The following PRR11 variants were observed in gnomAD, a reference collection of about 807,000 sequenced individuals.
PRR11 encodes proline rich 11.
PRR11 carries 30 observed loss-of-function variants against 45.6 expected under a neutral mutation model. That is an observed-to-expected ratio of 0.66 (90% confidence interval 0.49 to 0.89). PRR11 has a LOEUF of 0.89. PRR11 is among the 40% of genes least tolerant of loss of function. The probability of loss-of-function intolerance (pLI) is 0.00; values close to 1 mark genes in which losing one functional copy is unlikely to be tolerated. For synonymous variants in PRR11, 128 were observed against 153.5 expected, an observed-to-expected ratio of 0.83 and a Z score of 1.23; for missense variants, 373 against 424.8, an observed-to-expected ratio of 0.88 and a Z score of 1.07.
chr17:59,158,970 C>T (rs1415508576), intron 1 of PRR11, among the ~76,000 whole-genome samples: 1 of 152,178 alleles, frequency 6.6e-6, no homozygotes, highest in Non-Finnish European at 1.5e-5. Context: ...ACAGCACACT[C>T]CACCACACCT....
At chr17:59,184,150 A>G (rs1272653262) in intron 2 of PRR11, among the ~76,000 whole-genome samples, 3 of 152,108 alleles carry the variant, frequency 2.0e-5, no homozygotes, top group African/African-American at 2.4e-5. Flanking sequence ...GATGACATTC[A>G]GAGACCATCC....
intron 4 of PRR11, among the ~76,000 whole-genome samples, chr17:59,192,427 C>T (rs2046843890): frequency 6.6e-6 from 1 of 152,140 alleles, no homozygotes; most frequent in Admixed American, 6.6e-5. Flanking sequence ...ATTAATACAC[C>T]GTTTTACTTC....
chr17:59,160,089 A>G (rs989089332), intron 1 of PRR11, among the ~76,000 whole-genome samples: 1 of 152,178 alleles, frequency 6.6e-6, no homozygotes, highest in East Asian at 1.9e-4. Context: ...GCAGCAAAAA[A>G]AAAAGAATCA....
intron 2 of PRR11, among the ~76,000 whole-genome samples, chr17:59,180,394 G>A (rs1161961052): frequency 6.6e-6 from 1 of 150,988 alleles, no homozygotes; most frequent in African/African-American, 2.5e-5. Context: ...GCCTCCCGAA[G>A]TGCTGGGATT....
intron 2 of PRR11, among the ~76,000 whole-genome samples, chr17:59,172,918 G>C (rs1367034853): frequency 2.6e-5 from 4 of 152,274 alleles, no homozygotes; most frequent in African/African-American, 9.6e-5. Flanking sequence ...CATGGCGCAG[G>C]GCTGGCAGGC....
At chr17:59,183,451 A>G (rs1054755779) in intron 2 of PRR11, among the ~76,000 whole-genome samples, 1 of 152,238 alleles carries the variant, frequency 6.6e-6, no homozygotes, top group African/African-American at 2.4e-5. Context: ...TGAAAAAGTC[A>G]CATCAGAGCA....
intron 1 of PRR11, among the ~76,000 whole-genome samples, chr17:59,158,596 G>A (rs945298836): frequency 6.6e-6 from 1 of 151,720 alleles, no homozygotes; most frequent in Admixed American, 6.6e-5. Flanking sequence ...GTACAAAGAC[G>A]GCAATTGACA....
At chr17:59,176,148 C>T (rs1170341541) in intron 2 of PRR11, among the ~76,000 whole-genome samples, 3 of 152,070 alleles carry the variant, frequency 2.0e-5, no homozygotes, top group South Asian at 2.1e-4. Flanking sequence ...CACATGTGTG[C>T]GGGACACCCA....
chr17:59,165,059 C>T (rs1402629628), intron 1 of PRR11, among the ~76,000 whole-genome samples: 4 of 152,098 alleles, frequency 2.6e-5, no homozygotes, highest in East Asian at 1.9e-4. Flanking sequence ...CTCGCTCCGT[C>T]GCCCACGCTA....
At chr17:59,176,911 G>C (rs1263637746) in intron 2 of PRR11, among the ~76,000 whole-genome samples, 1 of 151,858 alleles carries the variant, frequency 6.6e-6, no homozygotes, top group Admixed American at 6.6e-5. Context: ...TAGTCAGGCT[G>C]GTCTCAAACT....
rs550176573 is a variant in PRR11, at chr17:59,201,662, C to G, written c.*31C>G. 3 of 1,604,610 alleles carry G rather than the reference C, an allele frequency of 1.9e-6. No homozygotes were observed. The East Asian group carries it at 6.7e-5, about 36-fold the overall frequency. On this transcript the variant is annotated 3_prime_UTR_variant, in exon 10 of 10. Coordinates refer to ENST00000262293, the MANE Select transcript of PRR11 (RefSeq NM_018304.4). ...ACTCTGCCTCACTCCATGAGATGAT[C>G]CATAACAAATACAGATAAAAACACC...
intron 9 of PRR11, among the ~76,000 whole-genome samples, chr17:59,199,988 C>G (rs1388833351): frequency 2.6e-5 from 4 of 152,158 alleles, no homozygotes; most frequent in African/African-American, 9.7e-5. Flanking sequence ...TTCTGTTTAG[C>G]TCTAAGATCT....
intron 1 of PRR11, among the ~76,000 whole-genome samples, chr17:59,159,034 G>A (rs1188869184): frequency 6.6e-6 from 1 of 152,192 alleles, no homozygotes; most frequent in Non-Finnish European, 1.5e-5. Context: ...TGGTCAGGCT[G>A]GTCTCGAACT....
At chr17:59,158,221 T>TC (rs761651262) in intron 1 of PRR11, among the ~76,000 whole-genome samples, 1 of 152,138 alleles carries the variant, frequency 6.6e-6, no homozygotes, top group Non-Finnish European at 1.5e-5. Context: ...CTTGGACTCT[T>TC]CAAAATTATA....
At chr17:59,165,005 TTTTTGTTTTGTTTTTTTG>T (rs1472311443) in intron 1 of PRR11, among the ~76,000 whole-genome samples, 3 of 151,760 alleles carry the variant, frequency 2.0e-5, no homozygotes, top group Admixed American at 1.3e-4. Flanking sequence ...TTATCTTGCG[TTTTTGTTTTGTTTTTTTG>T]TTTTGTTTTG....
chr17:59,171,874 TA>T (rs1490331731), intron 2 of PRR11, among the ~76,000 whole-genome samples: 3 of 152,006 alleles, frequency 2.0e-5, no homozygotes, highest in Admixed American at 1.3e-4. Flanking sequence ...CAGGGGCACA[TA>T]TAATAATACA....
At chr17:59,185,745 G>T (rs556621933) in intron 4 of PRR11, among the ~76,000 whole-genome samples, 183 bp downstream of exon 4, 17 of 152,204 alleles carry the variant, frequency 1.1e-4, no homozygotes, top group Non-Finnish European at 2.4e-4. Context: ...GGGGAAGTAA[G>T]ATGAAGAGCT....
At chr17:59,184,645 C>T (rs1011650980) in intron 2 of PRR11, among the ~76,000 whole-genome samples, 6 of 152,052 alleles carry the variant, frequency 3.9e-5, no homozygotes, top group African/African-American at 9.7e-5. Context: ...CCATTCATGA[C>T]GCTTTAAACC....
chr17:59,172,548 G>T (rs1315375966), intron 2 of PRR11, among the ~76,000 whole-genome samples: 1 of 152,242 alleles, frequency 6.6e-6, no homozygotes, highest in African/African-American at 2.4e-5. Context: ...GGGAACCGGG[G>T]CTGCGCGCTG....
Sources: allele counts gnomAD v4.1 joint callset (sites outside exome capture counted in the v4.1 genomes callset), GRCh38; gene constraint gnomAD v4.1.1; transcripts MANE v1.5; gene names NCBI Gene and HGNC (gene_info 2026-07-23, HGNC 2026-07-21).